The following KCNIP4 variants were observed in gnomAD, a reference collection of about 807,000 sequenced individuals.
The protein encoded by KCNIP4 is potassium voltage-gated channel interacting protein 4.
A neutral mutation model predicts 34.0 loss-of-function variants in KCNIP4; 12 were observed. The observed-to-expected ratio is 0.35, with a 90% confidence interval of 0.23 to 0.57. KCNIP4 has a LOEUF of 0.57. Among genes scored for constraint, KCNIP4 ranks in the 20% least tolerant of loss-of-function variants. KCNIP4 has a pLI of 0.83. For synonymous variants in KCNIP4, 124 were observed against 102.2 expected (o/e 1.21, Z -1.29); for missense variants, 238 against 311.7 (o/e 0.76, Z 1.78).
intron 1 of KCNIP4, among the ~76,000 whole-genome samples, chr4:20,894,168 A>C (rs554573214): frequency 7.2e-4 from 109 of 152,228 alleles, no homozygotes; most frequent in Non-Finnish European, 1.4e-3. Context: ...GGCGTGAGCC[A>C]CCGGGTTGAA....
intron 1 of KCNIP4, among the ~76,000 whole-genome samples, chr4:21,449,523 T>A (rs1252202586): frequency 3.3e-5 from 5 of 151,980 alleles, no homozygotes; most frequent in Admixed American, 6.6e-5. Context: ...AGCACTTTTT[T>A]AAAAATTGCA....
intron 1 of KCNIP4, among the ~76,000 whole-genome samples, chr4:21,758,242 C>T (rs1717800403): frequency 6.6e-6 from 1 of 152,206 alleles, no homozygotes; most frequent in Non-Finnish European, 1.5e-5. Flanking sequence ...AACAACCTCT[C>T]TGTTCTCATG....
intron 1 of KCNIP4, among the ~76,000 whole-genome samples, chr4:20,993,691 C>T (rs1737291180): frequency 6.6e-6 from 1 of 152,022 alleles, no homozygotes; most frequent in South Asian, 2.1e-4. Context: ...TGTTATTGTA[C>T]CCATTACTAT....
intron 1 of KCNIP4, among the ~76,000 whole-genome samples, chr4:21,130,018 G>T (rs139821689): frequency 1.3e-5 from 2 of 152,040 alleles, no homozygotes; most frequent in African/African-American, 4.8e-5. Flanking sequence ...GTGGCAATGT[G>T]ATTTTCATTT....
At chr4:20,984,978 G>A (rs1736440820) in intron 1 of KCNIP4, among the ~76,000 whole-genome samples, 1 of 152,158 alleles carries the variant, frequency 6.6e-6, no homozygotes, top group Non-Finnish European at 1.5e-5. Context: ...GATGCCATGA[G>A]GTGTGCTAGT....
chr4:21,641,675 C>A (rs935642805), intron 1 of KCNIP4, among the ~76,000 whole-genome samples: 8 of 152,144 alleles, frequency 5.3e-5, no homozygotes, highest in African/African-American at 1.9e-4. Context: ...AGAGGAGGGA[C>A]TTTAATAATC....
At chr4:21,020,458 A>T (rs1352376617) in intron 1 of KCNIP4, among the ~76,000 whole-genome samples, 1 of 152,070 alleles carries the variant, frequency 6.6e-6, no homozygotes. Context: ...ACTATTTGGG[A>T]TGATACTCCC....
chr4:21,729,445 G>T (rs11930835), intron 1 of KCNIP4, among the ~76,000 whole-genome samples: 46,368 of 151,940 alleles, frequency 0.31, 8,230 homozygotes, highest in East Asian at 0.68. Context: ...ATTATTATTC[G>T]AGAAGCAATT....
chr4:20,978,182 T>C (rs962783982), intron 1 of KCNIP4, among the ~76,000 whole-genome samples: 2 of 152,194 alleles, frequency 1.3e-5, no homozygotes, highest in African/African-American at 4.8e-5. Context: ...CTAACAAACA[T>C]ATGTGTTTGG....
At chr4:21,483,776 A>T (rs998588854) in intron 1 of KCNIP4, among the ~76,000 whole-genome samples, 31 of 151,618 alleles carry the variant, frequency 2.0e-4, no homozygotes, top group African/African-American at 7.3e-4. Context: ...GGCGAAAGAG[A>T]CAGACTCCAT....
At chr4:20,968,475 C>T (rs1364405079) in intron 1 of KCNIP4, among the ~76,000 whole-genome samples, 5 of 152,076 alleles carry the variant, frequency 3.3e-5, no homozygotes, top group Admixed American at 3.3e-4. Context: ...GACACATGCA[C>T]ACATATGTTT....
chr4:21,085,260 A>C (rs942989611), intron 1 of KCNIP4, among the ~76,000 whole-genome samples: 5 of 152,154 alleles, frequency 3.3e-5, no homozygotes, highest in Non-Finnish European at 1.5e-5. Context: ...ATGAGGATAC[A>C]TGCAGCTATC....
intron 1 of KCNIP4, among the ~76,000 whole-genome samples, chr4:21,172,914 T>G (rs1577828184): frequency 1.3e-5 from 2 of 152,202 alleles, no homozygotes; most frequent in African/African-American, 2.4e-5. Flanking sequence ...TGGAGCATCA[T>G]ACTCAGATGA....
Position 20,732,005 on chromosome 4 carries a change from C to T in KCNIP4, c.705+1G>A. 6.2e-7 allele frequency: 1 copy of T among 1,613,402 alleles called. No homozygotes were observed. Among genetic ancestry groups the T allele is most frequent in the Non-Finnish European group, 8.5e-7 (1 of 1,179,750 alleles). On this transcript the variant is annotated splice_donor_variant, in intron 8 of 8. Coordinates refer to ENST00000382152, the MANE Select transcript of KCNIP4 (RefSeq NM_025221.6). LOFTEE classifies it high-confidence loss of function. Reference sequence around the variant, plus strand: ...ATAGTTATTACACTTTCATTACTTACTTTTTGGCAGCTTTCAATGAACTCA... The same window carrying T: ...ATAGTTATTACACTTTCATTACTTATTTTTTGGCAGCTTTCAATGAACTCA...
At chr4:20,829,776 A>G (rs1345816797) in intron 3 of KCNIP4, among the ~76,000 whole-genome samples, 2 of 152,102 alleles carry the variant, frequency 1.3e-5, no homozygotes, top group Non-Finnish European at 2.9e-5. Context: ...TGTCAGAGTG[A>G]TATTTCTTAA....
At chr4:21,169,285 G>A (rs1019427412) in intron 1 of KCNIP4, among the ~76,000 whole-genome samples, 6 of 151,578 alleles carry the variant, frequency 4.0e-5, no homozygotes, top group South Asian at 2.1e-4. Flanking sequence ...CCTAAGTAGC[G>A]AGGACTGTAG....
intron 1 of KCNIP4, among the ~76,000 whole-genome samples, chr4:21,939,974 C>CATGGTGT (rs1167642801): frequency 6.6e-6 from 1 of 152,122 alleles, no homozygotes; most frequent in Non-Finnish European, 1.5e-5. Context: ...CCTCTGCCTA[C>CATGGTGT]ACCAGAACAT....
intron 1 of KCNIP4, among the ~76,000 whole-genome samples, chr4:21,471,355 C>T (rs756199060): frequency 2.6e-5 from 4 of 152,166 alleles, no homozygotes; most frequent in Admixed American, 2.0e-4. Context: ...TACTAATTCC[C>T]AGAGTCCTAA....
intron 1 of KCNIP4, among the ~76,000 whole-genome samples, chr4:20,994,219 T>C (rs955180339): frequency 1.3e-5 from 2 of 152,230 alleles, no homozygotes; most frequent in African/African-American, 4.8e-5. Flanking sequence ...TTTGGGGTTT[T>C]TATTCTGCCT....
Sources: gnomAD v4.1 joint callset for allele counts (sites outside exome capture counted in the v4.1 genomes callset) on GRCh38, gnomAD v4.1.1 for gene constraint, MANE v1.5 for transcripts, NCBI Gene and HGNC (gene_info 2026-07-23, HGNC 2026-07-21) for gene names.